The following VANGL2 variants were observed in gnomAD, a reference collection of about 807,000 sequenced individuals.
The protein encoded by VANGL2 is VANGL planar cell polarity protein 2.
A neutral mutation model predicts 50.2 loss-of-function variants in VANGL2; 14 were observed. The ratio of observed to expected loss-of-function variants is 0.28; its 90% CI spans 0.18 to 0.44. The LOEUF (loss-of-function observed/expected upper bound fraction) is 0.44, where lower values mean the gene tolerates loss of function less well. Among genes scored for constraint, VANGL2 ranks in the 20% least tolerant of loss-of-function variants. The pLI is 1.00. For missense variants in VANGL2, 533 were observed against 701.5 expected, an observed-to-expected ratio of 0.76 and a Z score of 2.71; for synonymous variants, 295 against 297.2, an observed-to-expected ratio of 0.99 and a Z score of 0.08.
chr1:160,424,180 C>A lies in VANGL2; in HGVS notation c.1202C>A (p.Ala401Asp). 2 of 1,614,196 alleles carry A rather than the reference C, an allele frequency of 1.2e-6. No homozygotes were observed. The highest frequency in any genetic ancestry group is 1.7e-6 in the Non-Finnish European group (2 of 1,180,032). ...GCCATCTTTGCATCCATGGCCCGTG[C>A]CATGCAGAAGTACCTTCGGACCACC... ...AQAIFASMAR[A>D]MQKYLRTTKQ... Residue 401 changes from alanine to aspartate, a missense_variant, in exon 7 of 8, where the codon GCC becomes GAC. Physicochemically the swap from Ala to Asp is moderately radical, Grantham distance 126. Coordinates refer to ENST00000368061, the MANE Select transcript of VANGL2 (RefSeq NM_020335.3).
chr1:160,419,707 G>T lies in VANGL2; in HGVS notation c.800+98G>T. On this transcript the variant is annotated intron_variant, in intron 4 of 7. Transcript: ENST00000368061. The surrounding 1 kb of genome is among the most constrained non-coding windows in gnomAD (Gnocchi z 5.8). Reference sequence around the variant, plus strand: ...GAGGGTATGATGGTGGGCTGGAGGTGATGGGCTTGGAGGGTTGTGTGGGAG... The same window carrying T: ...GAGGGTATGATGGTGGGCTGGAGGTTATGGGCTTGGAGGGTTGTGTGGGAG... The T allele has an allele frequency of 6.7e-7, 1 of 1,503,602 alleles. No homozygotes were observed. 93.1% of individuals were successfully genotyped at this position (1,503,602 alleles called of 1,614,324 possible). A position where few individuals can be genotyped will look rare whatever the true frequency, so the allele number is the denominator to read the frequency against.
chr1:160,418,982 TGG>T lies in VANGL2; in HGVS notation c.193-19_193-18del, dbSNP rs780822301. On this transcript the variant is annotated intron_variant, in intron 3 of 7. Coordinates refer to ENST00000368061, the MANE Select transcript of VANGL2 (RefSeq NM_020335.3). ...TATCCTTTCCTCCTTATTGTGTGGCTGGCCCCCTTCTGCCTGTAGGATGACAA... is the reference window on the plus strand; with the variant it reads ...TATCCTTTCCTCCTTATTGTGTGGCTCCCCCTTCTGCCTGTAGGATGACAA... The T allele has an allele frequency of 4.4e-6, 7 of 1,597,916 alleles. No individual in the cohort carries two copies. Among genetic ancestry groups the T allele is most frequent in the Non-Finnish European group, 6.0e-6 (7 of 1,169,568 alleles).
At chr1:160,406,183 T>C (rs1383208935) in intron 1 of VANGL2, among the ~76,000 whole-genome samples, 1 of 152,214 alleles carries the variant, frequency 6.6e-6, no homozygotes, top group Non-Finnish European at 1.5e-5. Flanking sequence ...TGAGATTACA[T>C]AGCTCGTAAA....
intron 1 of VANGL2, among the ~76,000 whole-genome samples, chr1:160,412,361 A>C (rs557013042): frequency 6.6e-6 from 1 of 151,898 alleles, no homozygotes; most frequent in Non-Finnish European, 1.5e-5. Context: ...CTCTACCCCC[A>C]TGTCACTCTG....
chr1:160,401,878 C>T (rs1037065874), intron 1 of VANGL2, among the ~76,000 whole-genome samples: 1 of 151,778 alleles, frequency 6.6e-6, no homozygotes, highest in Non-Finnish European at 1.5e-5. Flanking sequence ...TCTGTGTTCT[C>T]TTGTGTGTAA....
intron 1 of VANGL2, among the ~76,000 whole-genome samples, chr1:160,402,902 G>C (rs1347839702): frequency 2.0e-5 from 3 of 152,138 alleles, no homozygotes; most frequent in Non-Finnish European, 2.9e-5. Context: ...TTTGCTGCCA[G>C]TGGCTGGGTT....
At chr1:160,409,948 A>C (rs1431096878) in intron 1 of VANGL2, among the ~76,000 whole-genome samples, 1 of 152,274 alleles carries the variant, frequency 6.6e-6, no homozygotes, top group African/African-American at 2.4e-5. Flanking sequence ...GCCCACATGC[A>C]TACCCCTGCC....
rs376682257 is a variant in VANGL2 at position 160,419,037 on chromosome 1, G to A, written c.228G>A (p.Thr76=). The part of the protein sequence containing the change: ...DNWGETTTVV[T]GTSEHSISHD... The stretch of plus-strand genomic sequence containing the variant: ...GGGGGGAAACGACGACAGTAGTAAC[G>A]GGCACCTCAGAGCACAGCATCTCCC... Residue 76 remains threonine (T), a synonymous_variant, in exon 4 of 8, where the codon ACG becomes ACA. Coordinates refer to ENST00000368061, the MANE Select transcript of VANGL2 (RefSeq NM_020335.3). This position sits in a 1 kb window ranked among gnomAD's most constrained non-coding sequence, Gnocchi z 5.8. 5 of 1,610,044 alleles carry A rather than the reference G, an allele frequency of 3.1e-6. No homozygotes were observed. Among genetic ancestry groups the A allele is most frequent in the South Asian group, 2.2e-5 (2 of 90,840 alleles).
At chr1:160,416,643 T>C (rs562688532) in intron 3 of VANGL2, among the ~76,000 whole-genome samples, 1 of 149,088 alleles carries the variant, frequency 6.7e-6, no homozygotes, top group African/African-American at 2.5e-5. Context: ...GGGAAAGGAG[T>C]ATGGGAAGAG....
rs1049148642 is a variant in VANGL2, at chr1:160,419,184, C to T, written c.375C>T (p.Ala125=). The T allele has an allele frequency of 3.7e-6, 6 of 1,613,520 alleles. No individual in the cohort carries two copies. The African/African-American group carries it at 8.0e-5, about 22-fold the overall frequency. ...TGCTGTCTTTCCTCACGCCTCTGGCCTTCCTGCTGCTGCCCCCACTGCTGT... is the reference window on the plus strand; with the variant it reads ...TGCTGTCTTTCCTCACGCCTCTGGCTTTCCTGCTGCTGCCCCCACTGCTGT... ...LALLSFLTPL[A]FLLLPPLLWR... The change falls in exon 4 of 8, where the codon GCC becomes GCT. Residue 125 remains alanine (A), a synonymous_variant. Transcript: ENST00000368061. The surrounding 1 kb of genome is among the most constrained non-coding windows in gnomAD (Gnocchi z 5.8).
intron 1 of VANGL2, among the ~76,000 whole-genome samples, chr1:160,405,176 C>T (rs921749167): frequency 6.6e-6 from 1 of 152,258 alleles, no homozygotes; most frequent in Non-Finnish European, 1.5e-5. Flanking sequence ...CATCAGCTTC[C>T]CCTCTCTCTG....
At chr1:160,402,451 CA>C (rs1475919352) in intron 1 of VANGL2, among the ~76,000 whole-genome samples, 1 of 152,124 alleles carries the variant, frequency 6.6e-6, no homozygotes, top group Non-Finnish European at 1.5e-5. Flanking sequence ...GGGATGGAAA[CA>C]AGAGGAGGAA....
At chr1:160,401,228 TG>T (rs1168319937) in intron 1 of VANGL2, among the ~76,000 whole-genome samples, 1 of 145,642 alleles carries the variant, frequency 6.9e-6, no homozygotes, top group Non-Finnish European at 1.5e-5. Context: ...GTGTTGGAGG[TG>T]GGGGGAGAGG....
Position 160,415,796 on chromosome 1 carries a change from C to T in VANGL2, c.-42C>T. The T allele has an allele frequency of 6.3e-7, 1 of 1,596,938 alleles. No individual in the cohort carries two copies. The highest frequency in any genetic ancestry group is 8.5e-7 in the Non-Finnish European group (1 of 1,173,014). ...TGTGGGGCCCCCCAAGAGGCCCCAG[C>T]CTGCGGCCCTGGAGCGCTACAAGGC... is the stretch of plus-strand genomic sequence containing the variant. On this transcript the variant is annotated 5_prime_UTR_variant, in exon 2 of 8. Transcript: ENST00000368061.
At chr1:160,421,841 G>T (rs934046956) in intron 6 of VANGL2, among the ~76,000 whole-genome samples, 2 of 152,220 alleles carry the variant, frequency 1.3e-5, no homozygotes, top group African/African-American at 4.8e-5. Flanking sequence ...ACTCAGGCTA[G>T]ACTAGCCTGC....
rs1221753023 is a variant in VANGL2 at position 160,416,062 on chromosome 1, G to A, written c.72G>A (p.Arg24=). 1 of 1,614,204 alleles carries A rather than the reference G, an allele frequency of 6.2e-7. No individual in the cohort carries two copies. Among genetic ancestry groups the A allele is most frequent in the Non-Finnish European group, 8.5e-7 (1 of 1,180,022 alleles). Residue 24 remains arginine, a splice_region_variant and synonymous_variant, in exon 3 of 8, where the codon AGG becomes AGA. Transcript: ENST00000368061. The part of the protein sequence containing the change: ...SGHSRSSRKH[R]DRRDRHRSKS... The stretch of plus-strand genomic sequence containing the variant: ...TGCCTTTTCTGGCTTCCTGCCGCAG[G>A]GACCGCCGGGACCGACACCGCTCTA...
rs544205988 is a variant in VANGL2, at chr1:160,415,778, C to T, written c.-60C>T. On this transcript the variant is annotated 5_prime_UTR_variant, in exon 2 of 8. Transcript: ENST00000368061. ...GGTGCTGAAGGAGGTGGCTGTGGGG[C>T]CCCCCAAGAGGCCCCAGCCTGCGGC... 12 of 1,577,380 alleles carry T rather than the reference C, an allele frequency of 7.6e-6. No homozygotes were observed. In the East Asian group the frequency reaches 2.1e-4, roughly 27 times the overall value.
Position 160,419,195 on chromosome 1 carries a change from T to C in VANGL2, c.386T>C (p.Leu129Pro). Reference protein sequence around the residue: ...SFLTPLAFLLLPPLLWREELE... With the variant: ...SFLTPLAFLLPPPLLWREELE... The stretch of plus-strand genomic sequence containing the variant: ...CTCACGCCTCTGGCCTTCCTGCTGC[T>C]GCCCCCACTGCTGTGGCGGGAGGAG... The change falls in exon 4 of 8, where the codon CTG becomes CCG. Residue 129 changes from leucine (L) to proline (P), a missense_variant. Leu to Pro is a moderately conservative substitution (Grantham distance 98, BLOSUM62 -3). Coordinates refer to ENST00000368061, the MANE Select transcript of VANGL2 (RefSeq NM_020335.3). This position sits in a 1 kb window ranked among gnomAD's most constrained non-coding sequence, Gnocchi z 5.8. 6.2e-7 allele frequency: 1 copy of C among 1,613,440 alleles called. No individual in the cohort carries two copies. The highest frequency in any genetic ancestry group is 8.5e-7 in the Non-Finnish European group (1 of 1,180,002).
rs560742617 is a variant in VANGL2 at position 160,420,947 on chromosome 1, A to G, written c.938-105A>G. The G allele has an allele frequency of 9.0e-5, 138 of 1,531,384 alleles. No individual in the cohort carries two copies. The South Asian group carries it at 1.6e-3, about 18-fold the overall frequency. The allele number at this position is 1,531,384 out of a possible 1,614,324, so 94.9% of individuals were successfully genotyped here. ...TTAGGAGGTATTGCTGGGTGGTGGGAACAGCTTCTTCTGGACATGTCAGGC... is the reference window on the plus strand; with the variant it reads ...TTAGGAGGTATTGCTGGGTGGTGGGGACAGCTTCTTCTGGACATGTCAGGC... On this transcript the variant is annotated intron_variant, in intron 5 of 7. Coordinates refer to ENST00000368061, the MANE Select transcript of VANGL2 (RefSeq NM_020335.3).
Sources: allele counts gnomAD v4.1 joint callset (sites outside exome capture counted in the v4.1 genomes callset), GRCh38; gene constraint gnomAD v4.1.1; non-coding constraint Gnocchi (gnomAD v3.1); transcripts MANE v1.5; gene names NCBI Gene and HGNC (gene_info 2026-07-23, HGNC 2026-07-21).